The following SLC22A15 variants were observed in gnomAD, a reference collection of about 807,000 sequenced individuals.
The protein encoded by SLC22A15 is flipt 1.
SLC22A15 carries 45 observed loss-of-function variants against 62.7 expected under a neutral mutation model. The observed-to-expected ratio is 0.72, with a 90% CI of 0.56 to 0.92. The LOEUF is 0.92. Ranked by LOEUF, SLC22A15 falls within the 40% of genes least tolerant of loss-of-function variation. SLC22A15 has a pLI of 0.00. For missense variants in SLC22A15, 622 were observed against 665.6 expected (o/e 0.93, Z 0.72); for synonymous variants, 264 against 267.0 (o/e 0.99, Z 0.11).
rs1157444453 is a variant in SLC22A15 at position 115,976,725 on chromosome 1, G to A, written c.87+11G>A. Reference sequence around the variant, plus strand: ...GCCGTGCTGCTGCAGGTAAGTCCCCGCGGCCCCGCAGCCGCATTTCCCTCT... The same window carrying A: ...GCCGTGCTGCTGCAGGTAAGTCCCCACGGCCCCGCAGCCGCATTTCCCTCT... On this transcript the variant is annotated intron_variant, in intron 1 of 11. Coordinates refer to ENST00000369503, the MANE Select transcript of SLC22A15 (RefSeq NM_018420.3). The A allele has an allele frequency of 1.3e-6, 2 of 1,574,582 alleles. No homozygotes were observed. The highest frequency in any genetic ancestry group is 1.7e-6 in the Non-Finnish European group (2 of 1,161,936).
chr1:116,010,697 T>G (rs1656204795), intron 2 of SLC22A15, among the ~76,000 whole-genome samples: 1 of 152,188 alleles, frequency 6.6e-6, no homozygotes, highest in Non-Finnish European at 1.5e-5. Flanking sequence ...GGAATTGTTA[T>G]CAGAGCCATT....
At chr1:116,041,893 C>T (rs990468651) in intron 8 of SLC22A15, among the ~76,000 whole-genome samples, 1 of 152,056 alleles carries the variant, frequency 6.6e-6, no homozygotes, top group African/African-American at 2.4e-5. Flanking sequence ...AGTTGCAGAG[C>T]ATTGGATAGA....
Position 116,032,518 on chromosome 1 carries a change from G to A in SLC22A15, c.944+937G>A, listed in dbSNP as rs1050830537. 7.1e-6 allele frequency: 7 copies of A among 984,636 alleles called. No individual in the cohort carries two copies. In the African/African-American group the frequency reaches 1.2e-4, roughly 17 times the overall value. The allele number at this position is 984,636 out of a possible 1,614,324, so 61.0% of individuals were successfully genotyped here. A position where few individuals can be genotyped will look rare whatever the true frequency, so the allele number is the denominator to read the frequency against. ...GTGATCTTATGTATAAAGCTACAAA[G>A]AATAGTAGCTTTAGAATAAGAAGCT... On this transcript the variant is annotated intron_variant, in intron 6 of 11. Transcript: ENST00000369503.
At position 116,027,015 on chromosome 1, in the gene SLC22A15, T is replaced by A; in HGVS notation, c.721T>A (p.Leu241Ile). 8 of 1,613,054 alleles carry A rather than the reference T, an allele frequency of 5.0e-6. No homozygotes were observed. The highest frequency in any genetic ancestry group is 6.8e-6 in the Non-Finnish European group (8 of 1,179,576). Reference sequence around the variant, plus strand: ...CCTGCAGGGAACGGTGGTCTTTCTCTTATCTTTGTAAGTAGTTTTTCCTCT... The same window carrying A: ...CCTGCAGGGAACGGTGGTCTTTCTCATATCTTTGTAAGTAGTTTTTCCTCT... ...VNLQGTVVFL[L>I]SLFIPESPRW... Residue 241 changes from leucine to isoleucine, a missense_variant, in exon 5 of 12, where the codon TTA (leucine) becomes ATA (isoleucine). Coordinates refer to ENST00000369503, the MANE Select transcript of SLC22A15 (RefSeq NM_018420.3).
At chr1:115,982,328 G>T (rs961399837) in intron 1 of SLC22A15, among the ~76,000 whole-genome samples, 1 of 152,146 alleles carries the variant, frequency 6.6e-6, no homozygotes, top group African/African-American at 2.4e-5. Context: ...AATCACTAGT[G>T]ATTCTACCAC....
At chr1:115,979,592 G>C (rs746491405) in intron 1 of SLC22A15, among the ~76,000 whole-genome samples, 1 of 152,134 alleles carries the variant, frequency 6.6e-6, no homozygotes, top group Non-Finnish European at 1.5e-5. Context: ...TATTTAAATA[G>C]GAATAATTCT....
At chr1:116,001,631 G>T (rs535746176) in intron 2 of SLC22A15, among the ~76,000 whole-genome samples, 2 of 151,938 alleles carry the variant, frequency 1.3e-5, no homozygotes, top group South Asian at 2.1e-4. Flanking sequence ...ATTCTGGTGC[G>T]TTCTTCATTT....
At chr1:116,036,501 G>C (rs993170899) in intron 7 of SLC22A15, among the ~76,000 whole-genome samples, 2 of 152,138 alleles carry the variant, frequency 1.3e-5, no homozygotes, top group Non-Finnish European at 2.9e-5. Context: ...CTACCTTTGT[G>C]ACCAGGCAGA....
chr1:116,012,881 T>C (rs1293295680), intron 2 of SLC22A15, among the ~76,000 whole-genome samples: 2 of 152,218 alleles, frequency 1.3e-5, no homozygotes, highest in African/African-American at 2.4e-5. Flanking sequence ...TCTTTCATGA[T>C]GCTGGGCAGC....
intron 1 of SLC22A15, among the ~76,000 whole-genome samples, chr1:115,983,615 G>A (rs1182144219): frequency 6.6e-6 from 1 of 152,196 alleles, no homozygotes; most frequent in Admixed American, 6.5e-5. Flanking sequence ...ACAGGCAGTC[G>A]AGAAGGGAAG....
chr1:116,017,373 A>C (rs1656591658), intron 2 of SLC22A15: 1 of 151,412 alleles, frequency 6.6e-6, no homozygotes, highest in South Asian at 2.1e-4. Flanking sequence ...CCTGCCAAAA[A>C]AAAAAAAAAA....
At chr1:116,052,662 G>C (rs1480909739) in intron 8 of SLC22A15, among the ~76,000 whole-genome samples, 1 of 152,192 alleles carries the variant, frequency 6.6e-6, no homozygotes, top group Non-Finnish European at 1.5e-5. Context: ...CCTCCCAGTG[G>C]GGGCAGACTG....
chr1:116,055,203 T>TA (rs1557907621), intron 8 of SLC22A15, among the ~76,000 whole-genome samples: 2 of 151,454 alleles, frequency 1.3e-5, no homozygotes, highest in African/African-American at 2.4e-5. Flanking sequence ...ATAGACGCAA[T>TA]AAAAAATGAT....
intron 8 of SLC22A15, among the ~76,000 whole-genome samples, chr1:116,049,946 C>G (rs998369142): frequency 1.3e-5 from 2 of 152,068 alleles, no homozygotes; most frequent in African/African-American, 4.8e-5. Flanking sequence ...TACAAAAGAT[C>G]ATTCAAGGCT....
At chr1:116,057,523 G>T (rs1658245753) in intron 8 of SLC22A15, among the ~76,000 whole-genome samples, 1 of 152,192 alleles carries the variant, frequency 6.6e-6, no homozygotes, top group Non-Finnish European at 1.5e-5. Context: ...TCTAGAACCA[G>T]AAATACCATT....
chr1:116,035,294 AC>A lies in SLC22A15; in HGVS notation c.1055del (p.Pro352LeufsTer6). ...TCTGGCCTCATAGAGATTCCATCTT[AC>A]CCTCTCTGTATCTACTTGATTAACC... is the stretch of plus-strand genomic sequence containing the variant. ...ALSGLIEIPS[Y>X]PLCIYLINQK... On this transcript the variant is annotated frameshift_variant, in exon 7 of 12. Transcript: ENST00000369503. LOFTEE classifies it high-confidence loss of function. 1 of 1,613,036 alleles carries A rather than the reference AC, an allele frequency of 6.2e-7. No individual in the cohort carries two copies. The highest frequency in any genetic ancestry group is 8.5e-7 in the Non-Finnish European group (1 of 1,179,416).
chr1:115,988,253 G>C (rs1654972301), intron 1 of SLC22A15, among the ~76,000 whole-genome samples: 1 of 152,116 alleles, frequency 6.6e-6, no homozygotes, highest in South Asian at 2.1e-4. Flanking sequence ...TCTGCTGATG[G>C]GTGCAATTTT....
In SLC22A15 at chr1:116,000,871, A is replaced by G. The variant is rs575302037; in HGVS notation, c.300+8628A>G. ...ATGGTCTTGATCTCCTGACCTCATG[A>G]TCTGCCTGCCTTGGCCTCCCAAAGT... On this transcript the variant is annotated intron_variant, in intron 2 of 11. Coordinates refer to ENST00000369503, the MANE Select transcript of SLC22A15 (RefSeq NM_018420.3). Among the ~76,000 whole-genome samples, 11 of 152,152 alleles carry G rather than the reference A, an allele frequency of 7.2e-5. No homozygotes were observed. The South Asian group carries it at 2.1e-3, about 29-fold the overall frequency.
intron 7 of SLC22A15, 103 bp downstream of exon 7, chr1:116,035,430 C>A: frequency 1.0e-6 from 1 of 964,902 alleles, no homozygotes; most frequent in Non-Finnish European, 1.4e-6. Context: ...TCTTTGTATG[C>A]AGTATCAGCT....
Sources: allele counts gnomAD v4.1 joint callset (sites outside exome capture counted in the v4.1 genomes callset), GRCh38; gene constraint gnomAD v4.1.1; transcripts MANE v1.5; gene names NCBI Gene and HGNC (gene_info 2026-07-23, HGNC 2026-07-21).